The following ZUP1 variants were observed in gnomAD, a reference collection of about 807,000 sequenced individuals.
The protein encoded by ZUP1 is zinc finger containing ubiquitin peptidase 1, also known as zinc finger-containing ubiquitin peptidase 1.
Under a neutral mutation model 68.1 loss-of-function variants are expected in ZUP1, and 55 were observed. The observed-to-expected ratio is 0.81, with a 90% CI of 0.65 to 1.01. ZUP1 has a LOEUF of 1.01. Ranked by LOEUF, ZUP1 falls within the 50% of genes least tolerant of loss-of-function variation. The probability of loss-of-function intolerance (pLI) is 0.00; values close to 1 mark genes in which losing one functional copy is unlikely to be tolerated. For synonymous variants in ZUP1, 223 were observed against 221.5 expected (o/e 1.01, Z -0.06); for missense variants, 684 against 674.9 (o/e 1.01, Z -0.15).
At chr6:116,665,578 T>C (rs1776975897) in intron 2 of ZUP1, among the ~76,000 whole-genome samples, 1 of 148,932 alleles carries the variant, frequency 6.7e-6, no homozygotes, top group Non-Finnish European at 1.5e-5. Context: ...TCTTTTTTTT[T>C]TTTTTTTTTT....
intron 9 of ZUP1, among the ~76,000 whole-genome samples, chr6:116,644,139 A>G (rs1776212438): frequency 6.6e-6 from 1 of 152,238 alleles, no homozygotes. Flanking sequence ...CCACAATGAG[A>G]TACCATCTCA....
At chr6:116,664,060 G>A (rs1196531020) in intron 2 of ZUP1, among the ~76,000 whole-genome samples, 2 of 151,992 alleles carry the variant, frequency 1.3e-5, no homozygotes, top group African/African-American at 4.8e-5. Flanking sequence ...TAGATGAGAG[G>A]GAAAAAAATC....
At chr6:116,650,986 A>T (rs948570812) in intron 7 of ZUP1, among the ~76,000 whole-genome samples, 3 of 152,150 alleles carry the variant, frequency 2.0e-5, no homozygotes, top group African/African-American at 7.2e-5. Context: ...GAAGGCAAAA[A>T]GTCCAGATTG....
chr6:116,659,718 T>C (rs1184146107), intron 3 of ZUP1, among the ~76,000 whole-genome samples: 1 of 152,198 alleles, frequency 6.6e-6, no homozygotes, highest in Non-Finnish European at 1.5e-5. Flanking sequence ...TGGTAAAACT[T>C]TGCAACATCT....
intron 5 of ZUP1, among the ~76,000 whole-genome samples, chr6:116,656,472 T>C (rs1343916888): frequency 6.6e-6 from 1 of 152,200 alleles, no homozygotes; most frequent in South Asian, 2.1e-4. Context: ...CTCTAGAGCA[T>C]AGCTTTTTAA....
chr6:116,658,195 CA>C (rs143535025), intron 4 of ZUP1, among the ~76,000 whole-genome samples: 5,083 of 152,152 alleles, frequency 0.033, 248 homozygotes, highest in African/African-American at 0.11. Flanking sequence ...AAAGGAAAAA[CA>C]GACATTAAAA....
At chr6:116,647,354 G>A in intron 8 of ZUP1, 105 bp downstream of exon 8, 8 of 1,057,214 alleles carry the variant, frequency 7.6e-6, no homozygotes, top group Non-Finnish European at 9.0e-6. Flanking sequence ...GTGAGATTCT[G>A]TCTAAAAAAA....
At position 116,647,443 on chromosome 6, in the gene ZUP1, T is replaced by G. The variant is rs1174670903; in HGVS notation, c.1468+16A>C. ...TATAAACAACATTGTCAAATATGAGTTATATTAATACTAACCTTGATGCTG... is the reference window on the plus strand; with the variant it reads ...TATAAACAACATTGTCAAATATGAGGTATATTAATACTAACCTTGATGCTG... On this transcript the variant is annotated intron_variant, in intron 8 of 9. Coordinates refer to ENST00000368576, the MANE Select transcript of ZUP1 (RefSeq NM_145062.3). 6 of 1,506,394 alleles carry G rather than the reference T, an allele frequency of 4.0e-6. No individual in the cohort carries two copies. The highest frequency in any genetic ancestry group is 5.4e-6 in the Non-Finnish European group (6 of 1,115,916). 93.3% of individuals were successfully genotyped at this position (1,506,394 alleles called of 1,614,324 possible). A position where few individuals can be genotyped will look rare whatever the true frequency, so the allele number is the denominator to read the frequency against.
At chr6:116,660,506 ATTT>A (rs1459538734) in intron 3 of ZUP1, 10 of 407,458 alleles carry the variant, frequency 2.5e-5, no homozygotes, top group Admixed American at 4.2e-5. Context: ...CATTTGTAAA[ATTT>A]TATGTGCCAT....
At chr6:116,653,138 G>T (rs1776566790) in intron 5 of ZUP1, among the ~76,000 whole-genome samples, 2 of 151,924 alleles carry the variant, frequency 1.3e-5, no homozygotes, top group Non-Finnish European at 2.9e-5. Flanking sequence ...TTAGGACAAG[G>T]GACATCTGAC....
chr6:116,667,224 CA>C lies in ZUP1; in HGVS notation c.-15-18del. ...GACAAGTAGCTAGAAAAGAACATAA[CA>C]TTAGGTTTCAAAGATTTGAAGAAAA... On this transcript the variant is annotated intron_variant, in intron 1 of 9. Coordinates refer to ENST00000368576, the MANE Select transcript of ZUP1 (RefSeq NM_145062.3). 7.0e-7 allele frequency: 1 copy of C among 1,434,892 alleles called. No individual in the cohort carries two copies. The highest frequency in any genetic ancestry group is 9.3e-7 in the Non-Finnish European group (1 of 1,079,426). The allele number at this position is 1,434,892 out of a possible 1,614,324, so 88.9% of individuals were successfully genotyped here.
intron 7 of ZUP1, 92 bp downstream of exon 7, chr6:116,651,480 T>A: frequency 8.7e-7 from 1 of 1,153,798 alleles, no homozygotes; most frequent in Non-Finnish European, 1.2e-6. Flanking sequence ...TTAATTTTAT[T>A]TTTAAACTAT....
Position 116,652,094 on chromosome 6 carries a change from C to G in ZUP1, c.1060G>C (p.Gly354Arg). 6.2e-7 allele frequency: 1 copy of G among 1,613,948 alleles called. No individual in the cohort carries two copies. The highest frequency in any genetic ancestry group is 8.5e-7 in the Non-Finnish European group (1 of 1,179,896). The change falls in exon 6 of 10, where the codon GGC becomes CGC. Residue 354 changes from glycine (G) to arginine (R), a missense_variant. Coordinates refer to ENST00000368576, the MANE Select transcript of ZUP1 (RefSeq NM_145062.3). ...TAACCACAACCCCAACCTTTGTCGC[C>G]TAAAGATGAATGAAAGTGATCCACC... ...SVVDHFHSSL[G>R]DKGWGCGYRN...
rs1162796280 is a variant in ZUP1, at chr6:116,635,661, C to A, written c.*171G>T. On this transcript the variant is annotated 3_prime_UTR_variant, in exon 10 of 10. Coordinates refer to ENST00000368576, the MANE Select transcript of ZUP1 (RefSeq NM_145062.3). ...CATTTTATTGAAATAATTTACCAAA[C>A]AATGAAGTATGATAGGTATAATTCA... 2 of 453,944 alleles carry A rather than the reference C, an allele frequency of 4.4e-6. No individual in the cohort carries two copies. Among genetic ancestry groups the A allele is most frequent in the Non-Finnish European group, 7.5e-6 (2 of 265,424 alleles). 28.1% of individuals were successfully genotyped at this position (453,944 alleles called of 1,614,324 possible).
At chr6:116,661,235 C>A (rs1273712537) in intron 2 of ZUP1, among the ~76,000 whole-genome samples, 1 of 152,002 alleles carries the variant, frequency 6.6e-6, no homozygotes, top group Non-Finnish European at 1.5e-5. Flanking sequence ...GACTGTCTAC[C>A]ACCTATTAAC....
intron 7 of ZUP1, 32 bp from the exon 8 acceptor site, chr6:116,647,642 G>C (rs1440104305): frequency 4.2e-6 from 6 of 1,440,938 alleles, no homozygotes; most frequent in Non-Finnish European, 5.6e-6. Context: ...CACATTTAAA[G>C]GGCATTTTAA....
At chr6:116,662,257 C>T (rs1339715306) in intron 2 of ZUP1, among the ~76,000 whole-genome samples, 1 of 152,176 alleles carries the variant, frequency 6.6e-6, no homozygotes, top group Admixed American at 6.5e-5. Context: ...AGAGCCAATG[C>T]CAAGGAGGCC....
intron 5 of ZUP1, among the ~76,000 whole-genome samples, chr6:116,656,455 T>C (rs1217111862): frequency 1.3e-5 from 2 of 152,210 alleles, no homozygotes; most frequent in African/African-American, 4.8e-5. Context: ...ATATTTCTCT[T>C]AGCACTCTCT....
In ZUP1 at chr6:116,651,594, G is replaced by GTATA; in HGVS notation, c.1290_1293dup (p.Leu432TyrfsTer14). 6.2e-7 allele frequency: 1 copy of GTATA among 1,613,588 alleles called. No individual in the cohort carries two copies. Among genetic ancestry groups the GTATA allele is most frequent in the Non-Finnish European group, 8.5e-7 (1 of 1,179,670 alleles). ...TACTTTACCCTTAGGGAGGTCAGGA[G>GTATA]TATATATACTTCACATGCTCCAATC... On this transcript the variant is annotated frameshift_variant, in exon 7 of 10. Coordinates refer to ENST00000368576, the MANE Select transcript of ZUP1 (RefSeq NM_145062.3). LOFTEE classifies it high-confidence loss of function.
Sources: gnomAD v4.1 joint callset for allele counts (sites outside exome capture counted in the v4.1 genomes callset) on GRCh38, gnomAD v4.1.1 for gene constraint, MANE v1.5 for transcripts, NCBI Gene and HGNC (gene_info 2026-07-23, HGNC 2026-07-21) for gene names.